The following STX18 variants were observed in gnomAD, a reference collection of about 807,000 sequenced individuals.
The protein encoded by STX18 is syntaxin 18.
STX18 carries 40 observed loss-of-function variants against 50.1 expected under a neutral mutation model. The ratio of observed to expected loss-of-function variants is 0.80; its 90% CI spans 0.62 to 1.04. The LOEUF (loss-of-function observed/expected upper bound fraction) is 1.04, where lower values mean the gene tolerates loss of function less well. Ranked by LOEUF, STX18 falls within the 50% of genes least tolerant of loss-of-function variation. The pLI is 0.00. For synonymous variants in STX18, 158 were observed against 151.8 expected (o/e 1.04, Z -0.30); for missense variants, 410 against 415.8 (o/e 0.99, Z 0.12).
At chr4:4,478,193 A>G (rs1728286552) in intron 1 of STX18, among the ~76,000 whole-genome samples, 1 of 151,898 alleles carries the variant, frequency 6.6e-6, no homozygotes. Context: ...ATTTTTTAAC[A>G]AATTAACTAC....
chr4:4,440,894 T>C (rs1048370856), intron 5 of STX18, among the ~76,000 whole-genome samples: 10 of 152,318 alleles, frequency 6.6e-5, no homozygotes, highest in Admixed American at 2.0e-4. Flanking sequence ...TGGGAACACC[T>C]TGGCTGGGTG....
At chr4:4,422,590 G>GA (rs1166863849) in intron 9 of STX18, among the ~76,000 whole-genome samples, 3 of 148,490 alleles carry the variant, frequency 2.0e-5, no homozygotes, top group South Asian at 2.2e-4. Flanking sequence ...AAAAGAAAAA[G>GA]AAAAAAAAAG....
intron 1 of STX18, chr4:4,478,604 T>TG (rs1577359015): frequency 6.6e-6 from 1 of 152,434 alleles, no homozygotes; most frequent in East Asian, 1.9e-4. Flanking sequence ...AAAAGAAAGA[T>TG]GGGCATGAAA....
intron 1 of STX18, among the ~76,000 whole-genome samples, chr4:4,526,361 G>C (rs562470249): frequency 1.5e-4 from 23 of 152,166 alleles, no homozygotes; most frequent in Non-Finnish European, 2.9e-4. Flanking sequence ...GAGGGGAGTG[G>C]AACACAGTGT....
At chr4:4,446,455 C>T (rs1030509708) in intron 5 of STX18, among the ~76,000 whole-genome samples, 1 of 152,160 alleles carries the variant, frequency 6.6e-6, no homozygotes, top group Admixed American at 6.5e-5. Flanking sequence ...AACTCCTATA[C>T]AAATCAACAG....
At chr4:4,468,015 A>T (rs1306018040) in intron 2 of STX18, among the ~76,000 whole-genome samples, 1 of 152,224 alleles carries the variant, frequency 6.6e-6, no homozygotes, top group African/African-American at 2.4e-5. Context: ...CAAGGCGCTT[A>T]ACATCATTCT....
intron 1 of STX18, among the ~76,000 whole-genome samples, chr4:4,527,804 G>A (rs1022180568): frequency 9.8e-5 from 14 of 142,892 alleles, no homozygotes; most frequent in African/African-American, 3.5e-4. Context: ...ATATATATAT[G>A]TTTTTATATA....
At chr4:4,444,487 T>C (rs939505990) in intron 5 of STX18, among the ~76,000 whole-genome samples, 2 of 152,174 alleles carry the variant, frequency 1.3e-5, no homozygotes, top group Non-Finnish European at 2.9e-5. Context: ...GCTTCCCTGA[T>C]TGACAATACA....
At chr4:4,500,256 T>C (rs1729374813) in intron 1 of STX18, among the ~76,000 whole-genome samples, 1 of 152,354 alleles carries the variant, frequency 6.6e-6, no homozygotes. Flanking sequence ...CTTTTCCATT[T>C]TATGCACATA....
At chr4:4,450,978 T>C (rs1263243559) in intron 5 of STX18, among the ~76,000 whole-genome samples, 2 of 152,222 alleles carry the variant, frequency 1.3e-5, no homozygotes, top group African/African-American at 2.4e-5. Context: ...GTTGAGTGCC[T>C]TTCTTTTCTT....
intron 5 of STX18, among the ~76,000 whole-genome samples, chr4:4,448,703 CAA>C (rs1366391704): frequency 6.6e-6 from 1 of 152,194 alleles, no homozygotes; most frequent in African/African-American, 2.4e-5. Context: ...CTATCTTTCT[CAA>C]AGAGTTCTTT....
intron 5 of STX18, among the ~76,000 whole-genome samples, chr4:4,449,643 T>C (rs1726641974): frequency 6.6e-6 from 1 of 152,218 alleles, no homozygotes. Flanking sequence ...TTGTGTGTGA[T>C]TTCCCTTTGC....
At chr4:4,421,584 C>T (rs1290184970) in intron 9 of STX18, among the ~76,000 whole-genome samples, 4 of 152,086 alleles carry the variant, frequency 2.6e-5, no homozygotes, top group African/African-American at 4.8e-5. Context: ...GTGCTCCTTC[C>T]GCCACACTTA....
At chr4:4,542,105 C>T (rs771919605), upstream of STX18, 496 of 1,092,732 alleles carry the variant, frequency 4.5e-4, no homozygotes, top group Non-Finnish European at 5.7e-4. Flanking sequence ...AAGGTTCCGG[C>T]CTGCGCCCTG....
intron 1 of STX18, among the ~76,000 whole-genome samples, chr4:4,513,916 G>A (rs1281764536): frequency 6.6e-6 from 1 of 152,124 alleles, no homozygotes; most frequent in African/African-American, 2.4e-5. Context: ...TTTAACCTGA[G>A]GGCAGGGGTG....
chr4:4,446,617 C>A (rs918647122), intron 5 of STX18, among the ~76,000 whole-genome samples: 5 of 152,272 alleles, frequency 3.3e-5, no homozygotes, highest in Non-Finnish European at 7.3e-5. Flanking sequence ...TACCACTCCA[C>A]ATCCAGTAGA....
chr4:4,459,299 C>T (rs756355724), intron 3 of STX18, 73 bp downstream of exon 3: 18 of 1,051,514 alleles, frequency 1.7e-5, no homozygotes, highest in East Asian at 2.4e-5. Flanking sequence ...TTTAACTGGC[C>T]GCACCATATG....
chr4:4,429,744 G>T (rs905484072), intron 7 of STX18, among the ~76,000 whole-genome samples: 12 of 152,156 alleles, frequency 7.9e-5, no homozygotes, highest in Non-Finnish European at 1.0e-4. Flanking sequence ...AACCTCCCCA[G>T]GGTCTGTCCA....
chr4:4,468,410 T>C (rs1727731071), intron 2 of STX18, among the ~76,000 whole-genome samples: 1 of 152,130 alleles, frequency 6.6e-6, no homozygotes, highest in Admixed American at 6.5e-5. Context: ...GCGGGTAGTC[T>C]ACAACCCGGC....
Sources: allele counts gnomAD v4.1 joint callset (sites outside exome capture counted in the v4.1 genomes callset), GRCh38; gene constraint gnomAD v4.1.1; transcripts MANE v1.5; gene names NCBI Gene and HGNC (gene_info 2026-07-23, HGNC 2026-07-21).